Variants in CTNNA3 observed in about 807,000 individuals in gnomAD.
CTNNA3 encodes catenin alpha 3, also known as catenin alpha-3.
CTNNA3 carries 76 observed loss-of-function variants against 95.7 expected under a neutral mutation model. That is an observed-to-expected ratio of 0.79 (90% CI 0.66 to 0.96). The LOEUF is 0.96. Among genes scored for constraint, CTNNA3 ranks in the 40% least tolerant of loss-of-function variants. CTNNA3 has a pLI of 0.00. For synonymous variants in CTNNA3, 431 were observed against 374.4 expected, an observed-to-expected ratio of 1.15 and a Z score of -1.74; for missense variants, 1,191 against 1,089.8, an observed-to-expected ratio of 1.09 and a Z score of -1.31.
At chr10:66,448,093 C>T (rs1179565493) in intron 11 of CTNNA3, among the ~76,000 whole-genome samples, 8 of 152,038 alleles carry the variant, frequency 5.3e-5, no homozygotes, top group Admixed American at 5.2e-4. Context: ...TCATCACTGG[C>T]CATCAGAGAA....
At chr10:66,856,046 G>A (rs1284108239) in intron 7 of CTNNA3, among the ~76,000 whole-genome samples, 1 of 151,862 alleles carries the variant, frequency 6.6e-6, no homozygotes, top group African/African-American at 2.4e-5. Flanking sequence ...AATAAGCATA[G>A]TACCAGATAG....
chr10:65,958,366 A>T (rs2077774402), intron 17 of CTNNA3, among the ~76,000 whole-genome samples: 2 of 152,228 alleles, frequency 1.3e-5, no homozygotes, highest in South Asian at 2.1e-4. Flanking sequence ...GTTATTACCG[A>T]TCATCTGAAG....
chr10:66,228,657 T>C (rs533605514), intron 13 of CTNNA3, among the ~76,000 whole-genome samples: 2 of 152,266 alleles, frequency 1.3e-5, no homozygotes, highest in Non-Finnish European at 2.9e-5. Context: ...TAGGTCTATT[T>C]GGTCTATATT....
chr10:66,633,440 G>C (rs564923112), intron 9 of CTNNA3, among the ~76,000 whole-genome samples: 2 of 152,204 alleles, frequency 1.3e-5, no homozygotes, highest in South Asian at 4.1e-4. Context: ...CAGCACTTTG[G>C]GAGGCCAAGG....
chr10:67,173,764 A>C (rs190463293), intron 7 of CTNNA3, among the ~76,000 whole-genome samples: 7 of 152,316 alleles, frequency 4.6e-5, no homozygotes. Flanking sequence ...AACAACTCTG[A>C]GTAAAGTTTA....
At chr10:66,368,537 G>A (rs1181423016) in intron 12 of CTNNA3, among the ~76,000 whole-genome samples, 1 of 151,806 alleles carries the variant, frequency 6.6e-6, no homozygotes, top group Non-Finnish European at 1.5e-5. Flanking sequence ...TATCTTTTCA[G>A]TTTACTCTTG....
chr10:66,157,633 T>C (rs577803084), intron 13 of CTNNA3, among the ~76,000 whole-genome samples: 12 of 152,184 alleles, frequency 7.9e-5, no homozygotes, highest in African/African-American at 2.4e-4. Flanking sequence ...TAAACATGCA[T>C]GTGCAAGTAT....
intron 7 of CTNNA3, among the ~76,000 whole-genome samples, chr10:67,001,199 G>C (rs759951757): frequency 1.3e-5 from 2 of 151,292 alleles, no homozygotes; most frequent in Non-Finnish European, 2.9e-5. Context: ...TACTCGGGAG[G>C]GTGAGGCAGG....
At chr10:66,539,159 A>G (rs1002264168) in intron 10 of CTNNA3, among the ~76,000 whole-genome samples, 1 of 152,146 alleles carries the variant, frequency 6.6e-6, no homozygotes, top group Non-Finnish European at 1.5e-5. Context: ...AGCCAGCTAT[A>G]GTGTACATCC....
At chr10:66,227,840 TA>T (rs2089395607) in intron 13 of CTNNA3, among the ~76,000 whole-genome samples, 1 of 152,120 alleles carries the variant, frequency 6.6e-6, no homozygotes, top group African/African-American at 2.4e-5. Flanking sequence ...ATTTCTGATT[TA>T]ACATCCTTAC....
chr10:67,079,646 A>G (rs376242095), intron 7 of CTNNA3, among the ~76,000 whole-genome samples: 6 of 152,110 alleles, frequency 3.9e-5, no homozygotes, highest in Non-Finnish European at 5.9e-5. Context: ...TCAGGAGTTC[A>G]AGACCAGCCT....
At chr10:67,346,899 A>T (rs1049297766) in intron 5 of CTNNA3, among the ~76,000 whole-genome samples, 2 of 151,972 alleles carry the variant, frequency 1.3e-5, no homozygotes, top group African/African-American at 4.8e-5. Flanking sequence ...CAGATGTGAT[A>T]CTCAAAGAGC....
intron 1 of CTNNA3, among the ~76,000 whole-genome samples, chr10:67,749,439 G>T (rs1202689392): frequency 6.6e-6 from 1 of 152,106 alleles, no homozygotes; most frequent in Non-Finnish European, 1.5e-5. Context: ...AAATGCAAAA[G>T]AACTGAAATC....
chr10:65,950,715 A>C (rs2077595663), intron 17 of CTNNA3, among the ~76,000 whole-genome samples: 1 of 152,212 alleles, frequency 6.6e-6, no homozygotes, highest in South Asian at 2.1e-4. Flanking sequence ...ATAATTGTTT[A>C]TGCTAAGTTT....
intron 10 of CTNNA3, among the ~76,000 whole-genome samples, chr10:66,580,886 T>A (rs1040426023): frequency 7.9e-5 from 12 of 151,634 alleles, no homozygotes; most frequent in Non-Finnish European, 1.5e-4. Context: ...CAATAGGTAG[T>A]TTTTCATTTT....
intron 13 of CTNNA3, among the ~76,000 whole-genome samples, chr10:66,135,232 A>G (rs1158134028): frequency 1.3e-5 from 2 of 152,216 alleles, no homozygotes; most frequent in Non-Finnish European, 2.9e-5. Flanking sequence ...ATTCTTCACT[A>G]CAAGGAACTA....
intron 3 of CTNNA3, among the ~76,000 whole-genome samples, chr10:67,549,183 T>C (rs1014215070): frequency 1.3e-5 from 2 of 152,168 alleles, no homozygotes; most frequent in Admixed American, 6.5e-5. Context: ...AATCAATGTG[T>C]ATGTATATGT....
chr10:66,625,013 A>G (rs1327986855), intron 9 of CTNNA3, among the ~76,000 whole-genome samples: 1 of 133,708 alleles, frequency 7.5e-6, no homozygotes, highest in Non-Finnish European at 1.7e-5. Context: ...TTACACATTT[A>G]TTGAAAAGAA....
At chr10:67,731,344 C>G (rs1035776086) in intron 1 of CTNNA3, among the ~76,000 whole-genome samples, 60 of 151,934 alleles carry the variant, frequency 3.9e-4, no homozygotes, top group African/African-American at 1.4e-3. Flanking sequence ...AGGGTGACAC[C>G]CTGTCTCTAC....
Sources: gnomAD v4.1 joint callset for allele counts (sites outside exome capture counted in the v4.1 genomes callset) on GRCh38, gnomAD v4.1.1 for gene constraint, MANE v1.5 for transcripts, NCBI Gene and HGNC (gene_info 2026-07-23, HGNC 2026-07-21) for gene names.